DAB1: variants seen among roughly 807,000 people sequenced by gnomAD.
DAB1 encodes DAB adaptor protein 1, also known as disabled homolog 1.
A neutral mutation model predicts 64.6 loss-of-function variants in DAB1; 15 were observed. The observed-to-expected ratio is 0.23, with a 90% CI of 0.16 to 0.36. DAB1 has a LOEUF of 0.36. DAB1 is among the 10% of genes least tolerant of loss of function. The pLI is 1.00. For synonymous variants in DAB1, 235 were observed against 251.9 expected (o/e 0.93, Z 0.64); for missense variants, 596 against 706.7 (o/e 0.84, Z 1.78).
Position 57,101,055 on chromosome 1 carries a change from A to T in DAB1, c.307-28641T>A, listed in dbSNP as rs182506991. Among the ~76,000 whole-genome samples, 199 of 152,220 alleles carry T rather than the reference A, an allele frequency of 1.3e-3. 1 individual carries two copies. Among genetic ancestry groups the T allele is most frequent in the African/African-American group, 4.5e-3 (186 of 41,528 alleles). ...GGTCAGCAGCACAGTCAGGATTTGA[A>T]CCCAGATGGTCTGACCCCACAGCCC... On this transcript the variant is annotated intron_variant, in intron 4 of 14. Transcript: ENST00000371236.
chr1:58,532,668 C>T (rs1480237370), intron 1 of DAB1, among the ~76,000 whole-genome samples: 1 of 152,124 alleles, frequency 6.6e-6, no homozygotes, highest in Non-Finnish European at 1.5e-5. Flanking sequence ...GCTGGAACTA[C>T]AGGTGTGAGC....
intron 7 of DAB1, among the ~76,000 whole-genome samples, chr1:57,581,951 C>A (rs2101552629): frequency 6.6e-6 from 1 of 152,218 alleles, no homozygotes; most frequent in African/African-American, 2.4e-5. Flanking sequence ...CTGGGAAGTC[C>A]AAGATCAAGA....
intron 5 of DAB1, among the ~76,000 whole-genome samples, chr1:57,962,422 T>C (rs1477444641): frequency 6.6e-6 from 1 of 152,132 alleles, no homozygotes; most frequent in Non-Finnish European, 1.5e-5. Flanking sequence ...CTTCATCAAC[T>C]AGGTACTGAC....
chr1:57,248,485 T>C (rs1448961787), intron 2 of DAB1, among the ~76,000 whole-genome samples: 1 of 152,212 alleles, frequency 6.6e-6, no homozygotes, highest in Non-Finnish European at 1.5e-5. Context: ...ATATATACTA[T>C]GCTTCTAAAC....
upstream of DAB1, among the ~76,000 whole-genome samples, chr1:57,885,576 A>G (rs1410419604): frequency 6.6e-6 from 1 of 152,254 alleles, no homozygotes; most frequent in Admixed American, 6.5e-5. Context: ...ATGTTGGGCT[A>G]TAGTGATTGA....
chr1:58,479,905 G>A (rs1319839760), intron 3 of DAB1, among the ~76,000 whole-genome samples: 2 of 152,014 alleles, frequency 1.3e-5, no homozygotes, highest in Non-Finnish European at 2.9e-5. Flanking sequence ...TAAATATAGG[G>A]CCCAGTTCAT....
At chr1:58,073,946 A>C (rs928288474) in intron 5 of DAB1, among the ~76,000 whole-genome samples, 4 of 152,246 alleles carry the variant, frequency 2.6e-5, no homozygotes, top group African/African-American at 4.8e-5. Context: ...TTAAGTCCTC[A>C]AAGAGATAAA....
intron 5 of DAB1, among the ~76,000 whole-genome samples, chr1:57,889,579 C>T (rs1473553176): frequency 2.0e-5 from 3 of 152,306 alleles, no homozygotes; most frequent in African/African-American, 7.2e-5. Context: ...AGCCTGACTA[C>T]AGCAAAGTCT....
chr1:57,318,708 C>T lies in DAB1; in HGVS notation c.-136-27542G>A, dbSNP rs1161523319. Among the ~76,000 whole-genome samples, 10 of 125,212 alleles carry T rather than the reference C, an allele frequency of 8.0e-5. No individual in the cohort carries two copies. The Admixed American group carries it at 8.1e-4, about 10-fold the overall frequency. The allele number at this position is 125,212 out of a possible 152,430, so 82.1% of individuals were successfully genotyped here. A position where few individuals can be genotyped will look rare whatever the true frequency, so the allele number is the denominator to read the frequency against. On this transcript the variant is annotated intron_variant, in intron 1 of 14. Coordinates refer to ENST00000371236, the MANE Select transcript of DAB1 (RefSeq NM_001365792.1). ...AATAAATGCAGTATTAAACTTTCAA[C>T]TTTTTGTTTACCCGGTAATTTGCAA...
At chr1:58,282,632 G>A (rs150622784) in intron 4 of DAB1, among the ~76,000 whole-genome samples, 1,599 of 151,886 alleles carry the variant, frequency 0.011, 11 homozygotes, top group Middle Eastern at 0.021. Flanking sequence ...GTGGGGTGGG[G>A]AGCAGGCAAT....
Position 57,100,833 on chromosome 1 carries a change from TGG to T in DAB1, c.307-28421_307-28420del, listed in dbSNP as rs1433197407. Among the ~76,000 whole-genome samples the T allele has an allele frequency of 2.0e-5, 3 of 151,994 alleles. No individual in the cohort carries two copies. In the East Asian group the frequency reaches 5.8e-4, roughly 29 times the overall value. The stretch of plus-strand genomic sequence containing the variant: ...AGGGTCATCAGGGGCTGGGTGTGCT[TGG>T]GAAATAAGATCCATGGTGGACATGA... On this transcript the variant is annotated intron_variant, in intron 4 of 14. Coordinates refer to ENST00000371236, the MANE Select transcript of DAB1 (RefSeq NM_001365792.1).
At chr1:57,942,207 T>C (rs1645116087) in intron 5 of DAB1, among the ~76,000 whole-genome samples, 2 of 152,086 alleles carry the variant, frequency 1.3e-5, no homozygotes, top group African/African-American at 2.4e-5. Context: ...TAGGCTGACT[T>C]AGCATCCAGT....
intron 5 of DAB1, among the ~76,000 whole-genome samples, chr1:58,134,868 G>A (rs1653855242): frequency 6.6e-6 from 1 of 152,130 alleles, no homozygotes; most frequent in South Asian, 2.1e-4. Flanking sequence ...ATGAATCTAG[G>A]AGGGACCCAT....
intron 3 of DAB1, among the ~76,000 whole-genome samples, chr1:58,364,226 A>G (rs1210781119): frequency 6.6e-6 from 1 of 152,218 alleles, no homozygotes; most frequent in Non-Finnish European, 1.5e-5. Flanking sequence ...GATACCTGTA[A>G]GGAGGTGTGA....
intron 4 of DAB1, among the ~76,000 whole-genome samples, chr1:57,131,372 G>T (rs2100781786): frequency 6.6e-6 from 1 of 152,262 alleles, no homozygotes; most frequent in East Asian, 1.9e-4. Flanking sequence ...ATCCATGAAA[G>T]CCTGCTCTAA....
chr1:57,006,006 T>C (rs1249987380), intron 14 of DAB1, among the ~76,000 whole-genome samples: 1 of 152,230 alleles, frequency 6.6e-6, no homozygotes, highest in African/African-American at 2.4e-5. Context: ...TAGCTGCCTG[T>C]GTTTGTAAAT....
intron 1 of DAB1, among the ~76,000 whole-genome samples, chr1:57,361,555 G>A (rs1007891229): frequency 1.3e-5 from 2 of 152,078 alleles, no homozygotes; most frequent in Non-Finnish European, 1.5e-5. Flanking sequence ...AATATTCTGT[G>A]CTCCATTGTC....
chr1:57,752,085 CAA>C (rs1246122205), intron 6 of DAB1, among the ~76,000 whole-genome samples: 1 of 152,202 alleles, frequency 6.6e-6, no homozygotes, highest in African/African-American at 2.4e-5. Flanking sequence ...CAATTGCTCA[CAA>C]AGAGAGAATC....
At chr1:58,221,729 G>A (rs1052917361) in intron 4 of DAB1, among the ~76,000 whole-genome samples, 8 of 152,196 alleles carry the variant, frequency 5.3e-5, no homozygotes, top group Non-Finnish European at 7.3e-5. Flanking sequence ...TTGTGCCCCT[G>A]GGGAGCTATG....
Sources: allele counts gnomAD v4.1 joint callset (sites outside exome capture counted in the v4.1 genomes callset), GRCh38; gene constraint gnomAD v4.1.1; transcripts MANE v1.5; gene names NCBI Gene and HGNC (gene_info 2026-07-23, HGNC 2026-07-21).